Variants in RORA observed in about 807,000 individuals in gnomAD.
RORA encodes the protein nuclear receptor ROR-alpha.
RORA carries 7 observed loss-of-function variants against 69.5 expected under a neutral mutation model. The observed-to-expected ratio is 0.10, with a 90% confidence interval of 0.06 to 0.19. The LOEUF is 0.19. Among genes scored for constraint, RORA ranks in the 10% least tolerant of loss-of-function variants. The probability of loss-of-function intolerance (pLI) is 1.00; values close to 1 mark genes in which losing one functional copy is unlikely to be tolerated. For missense variants in RORA, 457 were observed against 663.0 expected, an observed-to-expected ratio of 0.69 and a Z score of 3.41; for synonymous variants, 261 against 240.8, an observed-to-expected ratio of 1.08 and a Z score of -0.78.
chr15:60,546,724 G>C (rs1393379654), intron 2 of RORA, among the ~76,000 whole-genome samples: 3 of 152,176 alleles, frequency 2.0e-5, no homozygotes, highest in African/African-American at 7.2e-5. Context: ...GCGTAACAGA[G>C]GTTTGCTGAG....
chr15:61,209,714 T>C (rs2079973771), intron 1 of RORA, among the ~76,000 whole-genome samples: 5 of 152,234 alleles, frequency 3.3e-5, no homozygotes, highest in Admixed American at 2.6e-4. Flanking sequence ...TTTGTACAGT[T>C]GTGCAGACCT....
At chr15:60,847,739 T>C (rs1255952107) in intron 1 of RORA, 1 of 152,206 alleles carries the variant, frequency 6.6e-6, no homozygotes, top group Non-Finnish European at 1.5e-5. Context: ...GTTGAAATGA[T>C]AATACTTTGG....
At chr15:60,936,692 A>G (rs1487922671) in intron 1 of RORA, among the ~76,000 whole-genome samples, 1 of 152,222 alleles carries the variant, frequency 6.6e-6, no homozygotes, top group Non-Finnish European at 1.5e-5. Context: ...CAGTCAAGAA[A>G]CAAGCCCTTC....
At chr15:61,112,793 G>C (rs899161381) in intron 1 of RORA, among the ~76,000 whole-genome samples, 1 of 152,166 alleles carries the variant, frequency 6.6e-6, no homozygotes, top group South Asian at 2.1e-4. Context: ...AGTGCCCCTC[G>C]GGGCAATGGG....
intron 1 of RORA, among the ~76,000 whole-genome samples, chr15:61,107,313 G>T (rs1226600874): frequency 6.6e-6 from 1 of 152,154 alleles, no homozygotes; most frequent in Non-Finnish European, 1.5e-5. Context: ...GTTTAAAAAT[G>T]ATAGGTGGCA....
chr15:61,044,969 G>A (rs1333439665), intron 1 of RORA, among the ~76,000 whole-genome samples: 1 of 152,222 alleles, frequency 6.6e-6, no homozygotes, highest in Non-Finnish European at 1.5e-5. Flanking sequence ...GGAAGCTGCT[G>A]TACTTGGGGG....
At chr15:60,667,598 G>C (rs374650573) in intron 2 of RORA, among the ~76,000 whole-genome samples, 14 of 152,142 alleles carry the variant, frequency 9.2e-5, no homozygotes, top group East Asian at 5.8e-4. Flanking sequence ...TGGTAGCAGA[G>C]AGTATAGTTC....
At chr15:61,048,613 C>T (rs1897150954) in intron 1 of RORA, among the ~76,000 whole-genome samples, 1 of 152,214 alleles carries the variant, frequency 6.6e-6, no homozygotes, top group South Asian at 2.1e-4. Flanking sequence ...TTCTGCCTGA[C>T]AGGGACTATC....
chr15:60,785,510 C>A (rs1033101707), intron 1 of RORA, among the ~76,000 whole-genome samples: 1 of 152,224 alleles, frequency 6.6e-6, no homozygotes, highest in Non-Finnish European at 1.5e-5. Context: ...TGAACAGATT[C>A]ATCTACAAAT....
chr15:60,699,786 A>G (rs2070956435), intron 1 of RORA, among the ~76,000 whole-genome samples: 1 of 152,184 alleles, frequency 6.6e-6, no homozygotes, highest in African/African-American at 2.4e-5. Flanking sequence ...GCCTGCCACA[A>G]TAACTACTTA....
chr15:60,704,105 G>C (rs1341647403), intron 1 of RORA, among the ~76,000 whole-genome samples: 1 of 152,146 alleles, frequency 6.6e-6, no homozygotes, highest in Non-Finnish European at 1.5e-5. Flanking sequence ...TGCTTTAAAA[G>C]TCTTCATTAC....
At chr15:61,179,205 T>A (rs896910519) in intron 1 of RORA, among the ~76,000 whole-genome samples, 3 of 152,184 alleles carry the variant, frequency 2.0e-5, no homozygotes, top group African/African-American at 7.2e-5. Context: ...GTGTGGTCCG[T>A]GGTCCCTTGC....
intron 1 of RORA, chr15:61,195,953 T>C (rs1004924644): frequency 6.6e-6 from 1 of 152,248 alleles, no homozygotes; most frequent in Non-Finnish European, 1.5e-5. Context: ...AAAAGCACAA[T>C]GTTGGTCATT....
At chr15:60,722,193 T>C (rs760728873) in intron 1 of RORA, among the ~76,000 whole-genome samples, 1 of 152,250 alleles carries the variant, frequency 6.6e-6, no homozygotes, top group Non-Finnish European at 1.5e-5. Context: ...TCTTATGTTC[T>C]GAATTTCAAG....
At chr15:60,801,056 CTATAAAG>C (rs1386352919) in intron 1 of RORA, among the ~76,000 whole-genome samples, 2 of 152,168 alleles carry the variant, frequency 1.3e-5, no homozygotes, top group African/African-American at 2.4e-5. Flanking sequence ...GAAATGTAAT[CTATAAAG>C]TATAAAGAGT....
chr15:60,527,301 T>C (rs945244362), intron 3 of RORA, among the ~76,000 whole-genome samples: 4 of 152,242 alleles, frequency 2.6e-5, no homozygotes, highest in Admixed American at 2.6e-4. Flanking sequence ...AGCCACTGTA[T>C]CTCATGATGA....
Position 60,514,933 on chromosome 15 carries a change from A to C in RORA, c.283-176T>G, listed in dbSNP as rs113104845. Among the ~76,000 whole-genome samples, 51 of 152,290 alleles carry C rather than the reference A, an allele frequency of 3.3e-4. 1 individual carries two copies. Among genetic ancestry groups the C allele is most frequent in the African/African-American group, 1.2e-3 (51 of 41,560 alleles). On this transcript the variant is annotated intron_variant, in intron 3 of 10. Transcript: ENST00000335670. Reference sequence around the variant, plus strand: ...AGTCACTTCTTTTTCCTTGAGTAAAATTGATCCCCAGAGCCTAATCCTCCA... The same window carrying C: ...AGTCACTTCTTTTTCCTTGAGTAAACTTGATCCCCAGAGCCTAATCCTCCA...
At chr15:60,680,082 T>C (rs953450824) in intron 1 of RORA, among the ~76,000 whole-genome samples, 1 of 152,224 alleles carries the variant, frequency 6.6e-6, no homozygotes, top group African/African-American at 2.4e-5. Flanking sequence ...GGAAGGGAAC[T>C]TCCCCCAGCA....
At chr15:60,983,314 G>T (rs7175830) in intron 1 of RORA, among the ~76,000 whole-genome samples, 117,302 of 152,182 alleles carry the variant, frequency 0.77, 45,621 homozygotes, top group African/African-American at 0.88. Flanking sequence ...CCAGCCTGAT[G>T]CTAGTATAGC....
Sources: gnomAD v4.1 joint callset for allele counts (sites outside exome capture counted in the v4.1 genomes callset) on GRCh38, gnomAD v4.1.1 for gene constraint, MANE v1.5 for transcripts, NCBI Gene and HGNC (gene_info 2026-07-23, HGNC 2026-07-21) for gene names.